ATRNL1: variants seen among roughly 807,000 people sequenced by gnomAD.
ATRNL1 encodes the protein attractin like 1, also known as attractin-like protein 1.
In ATRNL1, 95 loss-of-function variants were observed where a neutral mutation model predicts 182.7. The observed-to-expected ratio is 0.52, with a 90% CI of 0.44 to 0.62. The LOEUF (loss-of-function observed/expected upper bound fraction) is 0.62. ATRNL1 is among the 20% of genes least tolerant of loss of function. ATRNL1 has a pLI of 0.00. For missense variants in ATRNL1, 1,471 were observed against 1,679.5 expected, an observed-to-expected ratio of 0.88 and a Z score of 2.17; for synonymous variants, 576 against 568.3, an observed-to-expected ratio of 1.01 and a Z score of -0.19.
chr10:115,366,557 CATT>C (rs1857052412), intron 19 of ATRNL1, among the ~76,000 whole-genome samples: 1 of 151,142 alleles, frequency 6.6e-6, no homozygotes, highest in Non-Finnish European at 1.5e-5. Flanking sequence ...TTGATCCTGT[CATT>C]ATGATGTTAG....
intron 27 of ATRNL1, among the ~76,000 whole-genome samples, chr10:115,833,835 A>G (rs1264073386): frequency 1.3e-5 from 2 of 152,180 alleles, no homozygotes; most frequent in African/African-American, 2.4e-5. Flanking sequence ...CTGTGTTCTA[A>G]TTCTTTTGAA....
At chr10:115,536,214 G>A (rs536230558) in intron 25 of ATRNL1, among the ~76,000 whole-genome samples, 1 of 152,310 alleles carries the variant, frequency 6.6e-6, no homozygotes, top group South Asian at 2.1e-4. Flanking sequence ...GCCCCCAGAG[G>A]TGGAGCCTAC....
At chr10:115,681,674 G>A (rs1946051363) in intron 26 of ATRNL1, among the ~76,000 whole-genome samples, 1 of 152,064 alleles carries the variant, frequency 6.6e-6, no homozygotes, top group African/African-American at 2.4e-5. Context: ...ATCAACTGAG[G>A]GGAATTCTTC....
At chr10:115,159,589 C>T (rs1319124753) in intron 5 of ATRNL1, among the ~76,000 whole-genome samples, 1 of 150,956 alleles carries the variant, frequency 6.6e-6, no homozygotes, top group Non-Finnish European at 1.5e-5. Flanking sequence ...TTTTTAAATG[C>T]TTTTACTTCC....
chr10:115,360,082 T>C (rs1404219039), intron 19 of ATRNL1, among the ~76,000 whole-genome samples: 1 of 151,666 alleles, frequency 6.6e-6, no homozygotes, highest in African/African-American at 2.4e-5. Flanking sequence ...AATTAAGCAC[T>C]AGTGTTTTCT....
chr10:115,446,451 T>C (rs1846993822), intron 21 of ATRNL1, among the ~76,000 whole-genome samples: 2 of 152,014 alleles, frequency 1.3e-5, no homozygotes, highest in South Asian at 4.1e-4. Context: ...TCTTTAATTT[T>C]GTGGAGTCAG....
At chr10:115,597,191 C>T (rs1207083276) in intron 26 of ATRNL1, among the ~76,000 whole-genome samples, 1 of 152,028 alleles carries the variant, frequency 6.6e-6, no homozygotes, top group East Asian at 1.9e-4. Flanking sequence ...AAAATTTTTT[C>T]CTCAGTAGAC....
chr10:115,862,903 A>C (rs556973053), intron 28 of ATRNL1, among the ~76,000 whole-genome samples: 4 of 152,340 alleles, frequency 2.6e-5, no homozygotes, highest in African/African-American at 9.6e-5. Flanking sequence ...AACTCATATG[A>C]AATTATTTCC....
At chr10:115,826,694 G>A (rs1279241161) in intron 27 of ATRNL1, among the ~76,000 whole-genome samples, 2 of 152,160 alleles carry the variant, frequency 1.3e-5, no homozygotes, top group Admixed American at 1.3e-4. Flanking sequence ...TCGACAGTGA[G>A]TGGGCACCTG....
intron 26 of ATRNL1, among the ~76,000 whole-genome samples, chr10:115,667,423 C>T (rs1477786706): frequency 6.6e-6 from 1 of 152,072 alleles, no homozygotes; most frequent in African/African-American, 2.4e-5. Context: ...TTGGCTTATG[C>T]GATTACATTG....
chr10:115,470,140 G>A (rs1848235940), intron 24 of ATRNL1, among the ~76,000 whole-genome samples: 1 of 150,278 alleles, frequency 6.7e-6, no homozygotes, highest in African/African-American at 2.4e-5. Context: ...TCTGTAACTA[G>A]AAATGTTTGC....
intron 9 of ATRNL1, among the ~76,000 whole-genome samples, chr10:115,225,954 T>C (rs1849677333): frequency 1.3e-5 from 2 of 151,394 alleles, no homozygotes; most frequent in African/African-American, 2.4e-5. Flanking sequence ...AGAAAAACTT[T>C]AGAAGAACAA....
intron 8 of ATRNL1, among the ~76,000 whole-genome samples, chr10:115,191,854 G>C (rs557383825): frequency 6.6e-6 from 1 of 152,168 alleles, no homozygotes; most frequent in South Asian, 2.1e-4. Context: ...GTCTTGGGCA[G>C]TTCTTTATAG....
intron 24 of ATRNL1, among the ~76,000 whole-genome samples, chr10:115,492,747 C>T (rs111334591): frequency 4.2e-4 from 63 of 150,506 alleles, no homozygotes; most frequent in African/African-American, 1.5e-3. Flanking sequence ...GGGTTCACAC[C>T]ATTCTCCTGC....
chr10:115,285,091 G>A (rs1245483065), intron 14 of ATRNL1, among the ~76,000 whole-genome samples: 2 of 152,078 alleles, frequency 1.3e-5, no homozygotes, highest in Non-Finnish European at 2.9e-5. Flanking sequence ...GGAATTTGAG[G>A]ATACGTTTCC....
chr10:115,138,325 G>C (rs1564766476), intron 5 of ATRNL1, among the ~76,000 whole-genome samples: 1 of 152,204 alleles, frequency 6.6e-6, no homozygotes, highest in South Asian at 2.1e-4. Context: ...CCACTAGGTG[G>C]TGCCCCAGTA....
intron 26 of ATRNL1, among the ~76,000 whole-genome samples, chr10:115,624,309 T>C (rs1186523705): frequency 1.3e-5 from 2 of 152,106 alleles, no homozygotes; most frequent in African/African-American, 4.8e-5. Context: ...TTAAATTATG[T>C]TTTCTAAAGA....
intron 26 of ATRNL1, among the ~76,000 whole-genome samples, chr10:115,610,851 T>C (rs1857118397): frequency 6.6e-6 from 1 of 152,196 alleles, no homozygotes; most frequent in African/African-American, 2.4e-5. Context: ...CAACTTGAGT[T>C]ATATACTTAA....
chr10:115,237,022 T>G (rs781982205), intron 9 of ATRNL1, among the ~76,000 whole-genome samples: 70 of 152,344 alleles, frequency 4.6e-4, no homozygotes, highest in Admixed American at 7.8e-4. Context: ...TAATTTTGGC[T>G]TCTTTCACTT....
Sources: gnomAD v4.1 joint callset for allele counts (sites outside exome capture counted in the v4.1 genomes callset) on GRCh38, gnomAD v4.1.1 for gene constraint, MANE v1.5 for transcripts, NCBI Gene and HGNC (gene_info 2026-07-23, HGNC 2026-07-21) for gene names.